The following ZNF804B variants were observed in gnomAD, a reference collection of about 807,000 sequenced individuals.
ZNF804B encodes zinc finger 804B.
In ZNF804B, 80 loss-of-function variants were observed where a neutral mutation model predicts 101.4. That is an observed-to-expected ratio of 0.79 (90% confidence interval 0.66 to 0.95). The LOEUF is 0.95. Among genes scored for constraint, ZNF804B ranks in the 40% least tolerant of loss-of-function variants. ZNF804B has a pLI of 0.00. For synonymous variants in ZNF804B, 622 were observed against 558.8 expected, an observed-to-expected ratio of 1.11 and a Z score of -1.59; for missense variants, 1,673 against 1,561.9, an observed-to-expected ratio of 1.07 and a Z score of -1.20.
chr7:88,839,856 T>C (rs1791269936), intron 1 of ZNF804B, among the ~76,000 whole-genome samples: 1 of 151,956 alleles, frequency 6.6e-6, no homozygotes, highest in Non-Finnish European at 1.5e-5. Context: ...CTAAATCAAA[T>C]AATCTATACA....
intron 2 of ZNF804B, among the ~76,000 whole-genome samples, chr7:89,325,851 C>G (rs1282277035): frequency 6.6e-6 from 1 of 151,834 alleles, no homozygotes; most frequent in Non-Finnish European, 1.5e-5. Context: ...CACAGTTGTA[C>G]TATAGTTTAT....
At chr7:89,115,304 T>C (rs1790292558) in intron 1 of ZNF804B, among the ~76,000 whole-genome samples, 1 of 152,214 alleles carries the variant, frequency 6.6e-6, no homozygotes, top group Non-Finnish European at 1.5e-5. Flanking sequence ...TAATTTTTAA[T>C]GAGAGCTTTA....
chr7:89,219,885 G>GTATATATGTATATATGTGTGTGCA (rs1450836545), intron 2 of ZNF804B, among the ~76,000 whole-genome samples: 1 of 45,006 alleles, frequency 2.2e-5, no homozygotes, highest in Non-Finnish European at 4.6e-5. Context: ...GTATATGTGT[G>GTATATATGTATATATGTGTGTGCA]TATATATGTA....
chr7:88,943,663 A>G (rs919147475), intron 1 of ZNF804B, among the ~76,000 whole-genome samples: 1 of 151,840 alleles, frequency 6.6e-6, no homozygotes, highest in African/African-American at 2.4e-5. Context: ...AAATATAAAC[A>G]ATGTGACTAC....
chr7:89,102,236 T>A (rs1790066400), intron 1 of ZNF804B, among the ~76,000 whole-genome samples: 2 of 152,074 alleles, frequency 1.3e-5, no homozygotes, highest in African/African-American at 4.8e-5. Context: ...GCTAGTTCTT[T>A]GAGATATTTC....
chr7:89,009,456 T>C (rs1041184096), intron 1 of ZNF804B, among the ~76,000 whole-genome samples: 3 of 152,144 alleles, frequency 2.0e-5, no homozygotes, highest in African/African-American at 7.2e-5. Context: ...ACACTATATA[T>C]CTTGACAATG....
chr7:88,792,122 T>C (rs1444285976), intron 1 of ZNF804B, among the ~76,000 whole-genome samples: 3 of 152,036 alleles, frequency 2.0e-5, no homozygotes, highest in Non-Finnish European at 2.9e-5. Flanking sequence ...GTGCACATTT[T>C]TATGACCTAG....
intron 1 of ZNF804B, among the ~76,000 whole-genome samples, chr7:88,789,708 G>A (rs1307313525): frequency 6.6e-6 from 1 of 152,110 alleles, no homozygotes; most frequent in Non-Finnish European, 1.5e-5. Flanking sequence ...TGATTTGAAA[G>A]TACTTGGCTA....
intron 1 of ZNF804B, among the ~76,000 whole-genome samples, chr7:88,967,051 G>C (rs564681198): frequency 6.6e-6 from 1 of 151,280 alleles, no homozygotes; most frequent in East Asian, 2.0e-4. Flanking sequence ...TCACTTTGGA[G>C]TCCCTTTAAT....
chr7:89,214,553 T>C (rs1788858148), intron 1 of ZNF804B, among the ~76,000 whole-genome samples: 1 of 152,166 alleles, frequency 6.6e-6, no homozygotes, highest in African/African-American at 2.4e-5. Context: ...CAGGCCTATT[T>C]TTTCAGTAAA....
intron 1 of ZNF804B, among the ~76,000 whole-genome samples, chr7:88,854,411 CTTCCTTT>C (rs1791502008): frequency 1.4e-5 from 2 of 141,618 alleles, no homozygotes; most frequent in Admixed American, 7.0e-5. Context: ...TTCTTTCTTT[CTTCCTTT>C]CTTTCTTTCT....
chr7:89,043,672 T>A (rs1789054239), intron 1 of ZNF804B, among the ~76,000 whole-genome samples: 1 of 152,208 alleles, frequency 6.6e-6, no homozygotes, highest in African/African-American at 2.4e-5. Context: ...TTTTAACAAA[T>A]GTACTGTGGT....
chr7:88,860,384 A>T (rs897122567), intron 1 of ZNF804B, among the ~76,000 whole-genome samples: 1 of 152,052 alleles, frequency 6.6e-6, no homozygotes, highest in African/African-American at 2.4e-5. Context: ...CAGGTGACAT[A>T]TTTATTTTTG....
chr7:88,838,395 G>GT (rs1307945818), intron 1 of ZNF804B, among the ~76,000 whole-genome samples: 1 of 151,830 alleles, frequency 6.6e-6, no homozygotes, highest in African/African-American at 2.4e-5. Context: ...TCTGCTAAGT[G>GT]TTTTGTTACA....
At chr7:88,776,560 G>GTTTTTTTTT (rs57733765) in intron 1 of ZNF804B, among the ~76,000 whole-genome samples, 54 of 75,068 alleles carry the variant, frequency 7.2e-4, no homozygotes, top group East Asian at 3.6e-3. Flanking sequence ...GTGGTGTTTT[G>GTTTTTTTTT]TTTTTTTTTT....
intron 1 of ZNF804B, among the ~76,000 whole-genome samples, chr7:89,040,349 T>C (rs1292929383): frequency 6.6e-6 from 1 of 152,112 alleles, no homozygotes; most frequent in Non-Finnish European, 1.5e-5. Context: ...GTCTTTGAAC[T>C]CACTAGTTCT....
intron 2 of ZNF804B, among the ~76,000 whole-genome samples, chr7:89,303,196 T>C (rs1310494144): frequency 6.6e-6 from 1 of 151,886 alleles, no homozygotes; most frequent in Non-Finnish European, 1.5e-5. Context: ...ATTTCACTTA[T>C]TAACCAAGGA....
At chr7:89,096,284 G>C (rs1395565802) in intron 1 of ZNF804B, among the ~76,000 whole-genome samples, 5 of 152,098 alleles carry the variant, frequency 3.3e-5, no homozygotes, top group Admixed American at 3.3e-4. Flanking sequence ...AATACAAGTA[G>C]GATCAGAATG....
intron 1 of ZNF804B, among the ~76,000 whole-genome samples, chr7:88,936,230 A>G (rs1009152302): frequency 6.6e-5 from 10 of 152,096 alleles, no homozygotes; most frequent in Non-Finnish European, 1.2e-4. Flanking sequence ...CTATCATTTT[A>G]ATGTCAGAAT....
Sources: allele counts gnomAD v4.1 joint callset (sites outside exome capture counted in the v4.1 genomes callset), GRCh38; gene constraint gnomAD v4.1.1; transcripts MANE v1.5; gene names NCBI Gene and HGNC (gene_info 2026-07-23, HGNC 2026-07-21).